FGF9: variants seen among roughly 807,000 people sequenced by gnomAD.
FGF9 encodes fibroblast growth factor 9, also known as fibroblast growth factor 9 (glia-activating factor).
FGF9 carries 3 observed loss-of-function variants against 19.9 expected under a neutral mutation model. The observed-to-expected ratio is 0.15, with a 90% CI of 0.07 to 0.39. The LOEUF (loss-of-function observed/expected upper bound fraction) is 0.39, where lower values mean the gene tolerates loss of function less well. Among genes scored for constraint, FGF9 ranks in the 10% least tolerant of loss-of-function variants. The pLI is 1.00. For missense variants in FGF9, 175 were observed against 256.8 expected, an observed-to-expected ratio of 0.68 and a Z score of 2.18; for synonymous variants, 107 against 106.9, an observed-to-expected ratio of 1.00 and a Z score of -0.01.
At position 21,703,916 on chromosome 13, in the gene FGF9, A is replaced by G. The variant is rs1169161625; in HGVS notation, c.*2481A>G. On this transcript the variant is annotated 3_prime_UTR_variant, in exon 3 of 3. Transcript: ENST00000382353. ...TTTTTTTTAAGACGAGCAAATTGTT[A>G]TATGCTTTTGGCAATTGATACAATA... 2 of 151,372 alleles carry G rather than the reference A, an allele frequency of 1.3e-5. No homozygotes were observed. Among genetic ancestry groups the G allele is most frequent in the Admixed American group, 1.3e-4 (2 of 15,204 alleles). 9.4% of individuals were successfully genotyped at this position (151,372 alleles called of 1,614,324 possible).
intron 2 of FGF9, among the ~76,000 whole-genome samples, chr13:21,693,020 A>G (rs1593097943): frequency 6.6e-6 from 1 of 152,220 alleles, no homozygotes; most frequent in Non-Finnish European, 1.5e-5. Context: ...ACAGGCTGCC[A>G]TAGCACCCAA....
At chr13:21,693,051 T>G (rs1368782834) in intron 2 of FGF9, among the ~76,000 whole-genome samples, 2 of 152,182 alleles carry the variant, frequency 1.3e-5, no homozygotes, top group African/African-American at 4.8e-5. Context: ...TCAGAGACGG[T>G]CTCTCAGGGT....
chr13:21,689,623 T>C (rs1276473126), intron 2 of FGF9, among the ~76,000 whole-genome samples: 3 of 152,180 alleles, frequency 2.0e-5, no homozygotes, highest in African/African-American at 7.2e-5. Flanking sequence ...TGCTAGTAAT[T>C]GCACTTCTAA....
chr13:21,690,495 T>C (rs1465073006), intron 2 of FGF9, among the ~76,000 whole-genome samples: 1 of 152,194 alleles, frequency 6.6e-6, no homozygotes, highest in Non-Finnish European at 1.5e-5. Flanking sequence ...TCTTGTTTTC[T>C]TTCCCAAAGT....
Position 21,701,709 on chromosome 13 carries a change from A to G in FGF9, c.*274A>G, listed in dbSNP as rs9796160. On this transcript the variant is annotated 3_prime_UTR_variant, in exon 3 of 3. Coordinates refer to ENST00000382353, the MANE Select transcript of FGF9 (RefSeq NM_002010.3). ...GAGACTGAGCGCTAGGAGTGTGTGT[A>G]TGTGTGTGTGTGTGTGTGTGTGTGT... The G allele has an allele frequency of 0.027, 9,611 of 357,546 alleles. 182 individuals are homozygous for G. Among genetic ancestry groups the G allele is most frequent in the Non-Finnish European group, 0.031 (5,681 of 185,494 alleles). 22.1% of individuals were successfully genotyped at this position (357,546 alleles called of 1,614,324 possible).
Position 21,672,222 on chromosome 13 carries a change from A to T in FGF9, c.277+33A>T. The T allele has an allele frequency of 6.2e-7, 1 of 1,613,336 alleles. No individual in the cohort carries two copies. Among genetic ancestry groups the T allele is most frequent in the South Asian group, 1.1e-5 (1 of 90,926 alleles). ...TACCATTAACCCTTTAGTGTCCATG[A>T]GATGACATGTTGAAATTATAACTAC... On this transcript the variant is annotated intron_variant, in intron 1 of 2. Transcript: ENST00000382353. This position sits in a 1 kb window ranked among gnomAD's most constrained non-coding sequence, Gnocchi z 4.2.
intron 2 of FGF9, among the ~76,000 whole-genome samples, chr13:21,687,585 G>C (rs548850358): frequency 1.3e-5 from 2 of 152,304 alleles, no homozygotes; most frequent in Admixed American, 1.3e-4. Flanking sequence ...TTGGCGCTTG[G>C]TGCAGCTTCC....
rs1171437237 is a variant in FGF9 at position 21,703,934 on chromosome 13, A to G, written c.*2499A>G. 1 of 151,754 alleles carries G rather than the reference A, an allele frequency of 6.6e-6. No individual in the cohort carries two copies. The highest frequency in any genetic ancestry group is 1.5e-5 in the Non-Finnish European group (1 of 67,986). 9.4% of individuals were successfully genotyped at this position (151,754 alleles called of 1,614,324 possible). On this transcript the variant is annotated 3_prime_UTR_variant, in exon 3 of 3. Coordinates refer to ENST00000382353, the MANE Select transcript of FGF9 (RefSeq NM_002010.3). ...AATTGTTATATGCTTTTGGCAATTGATACAATAAACTGTAATGGTCTGTAA... is the reference window on the plus strand; with the variant it reads ...AATTGTTATATGCTTTTGGCAATTGGTACAATAAACTGTAATGGTCTGTAA...
In FGF9 at chr13:21,701,700, A is replaced by AGTGT. The variant is rs761639029; in HGVS notation, c.*270_*273dup. 3.8e-4 allele frequency: 166 copies of AGTGT among 441,786 alleles called. 1 individual carries two copies. The highest frequency in any genetic ancestry group is 2.6e-3 in the East Asian group (61 of 23,076). 27.4% of individuals were successfully genotyped at this position (441,786 alleles called of 1,614,324 possible). ...AGAGAGAGAGAGACTGAGCGCTAGG[A>AGTGT]GTGTGTGTATGTGTGTGTGTGTGTG... On this transcript the variant is annotated 3_prime_UTR_variant, in exon 3 of 3. Coordinates refer to ENST00000382353, the MANE Select transcript of FGF9 (RefSeq NM_002010.3).
chr13:21,671,475 A>G lies in FGF9; in HGVS notation c.-438A>G. 2.2e-6 allele frequency: 1 copy of G among 454,670 alleles called. No individual in the cohort carries two copies. The allele number at this position is 454,670 out of a possible 1,614,324, so 28.2% of individuals were successfully genotyped here. On this transcript the variant is annotated 5_prime_UTR_variant, in exon 1 of 3. Transcript: ENST00000382353. ...CTGGAGTCAGGATCCGTAAATTCTG[A>G]CGTAGCCCGTGCATCTTAAAAATCC...
intron 2 of FGF9, among the ~76,000 whole-genome samples, chr13:21,689,295 G>A (rs78028513): frequency 5.1e-4 from 78 of 152,334 alleles, no homozygotes; most frequent in Non-Finnish European, 9.8e-4. Context: ...TATTAAAGCT[G>A]CCCCATTTTG....
At chr13:21,682,167 C>T (rs921391216) in intron 2 of FGF9, among the ~76,000 whole-genome samples, 12 of 151,988 alleles carry the variant, frequency 7.9e-5, no homozygotes, top group African/African-American at 2.2e-4. Context: ...CATCACCACA[C>T]GTAGTTAACG....
At chr13:21,674,740 A>G (rs1871865564) in intron 1 of FGF9, among the ~76,000 whole-genome samples, 1 of 151,170 alleles carries the variant, frequency 6.6e-6, no homozygotes, top group African/African-American at 2.4e-5. Context: ...CCTTTAGGAT[A>G]GGACGTTTGC....
chr13:21,697,730 C>T (rs17840911), intron 2 of FGF9, among the ~76,000 whole-genome samples: 3 of 152,072 alleles, frequency 2.0e-5, no homozygotes, highest in African/African-American at 7.2e-5. Context: ...TTGCTATTTT[C>T]CTGCCCTCTC....
At position 21,671,917 on chromosome 13, in the gene FGF9, C is replaced by T. The variant is rs1254230677; in HGVS notation, c.5C>T (p.Ala2Val). The change falls in exon 1 of 3, where the codon GCT becomes GTT. Residue 2 changes from alanine (A) to valine (V), a missense_variant. By Grantham distance (64) the Ala-to-Val change is moderately conservative. Transcript: ENST00000382353. ...CTCCAAAAGCCGAGTCCTCTGATGG[C>T]TCCCTTAGGTGAAGTTGGGAACTAT... M[A>V]PLGEVGNYFG... is the part of the protein sequence containing the mutation. The T allele has an allele frequency of 6.2e-7, 1 of 1,614,180 alleles. No individual in the cohort carries two copies. The highest frequency in any genetic ancestry group is 1.7e-5 in the Admixed American group (1 of 60,028).
At chr13:21,696,138 T>C (rs1276490435) in intron 2 of FGF9, among the ~76,000 whole-genome samples, 2 of 152,228 alleles carry the variant, frequency 1.3e-5, no homozygotes, top group Admixed American at 1.3e-4. Context: ...TTTTAAATAG[T>C]GTCAGTATAA....
chr13:21,689,489 A>G (rs1224275021), intron 2 of FGF9, among the ~76,000 whole-genome samples: 1 of 151,702 alleles, frequency 6.6e-6, no homozygotes, highest in Non-Finnish European at 1.5e-5. Context: ...GGCAGACCCT[A>G]GTTGATAAGT....
intron 2 of FGF9, among the ~76,000 whole-genome samples, chr13:21,696,792 G>T (rs1593099538): frequency 6.6e-6 from 1 of 152,206 alleles, no homozygotes; most frequent in Non-Finnish European, 1.5e-5. Flanking sequence ...AAGTACTGAA[G>T]TGTGATCCTA....
At position 21,703,513 on chromosome 13, in the gene FGF9, T is replaced by C. The variant is rs1349635218; in HGVS notation, c.*2078T>C. 1 of 152,370 alleles carries C rather than the reference T, an allele frequency of 6.6e-6. No homozygotes were observed. The highest frequency in any genetic ancestry group is 1.9e-4 in the East Asian group (1 of 5,194). The allele number at this position is 152,370 out of a possible 1,614,324, so 9.4% of individuals were successfully genotyped here. The stretch of plus-strand genomic sequence containing the variant: ...ATGTCCTCTTCATTTATTTTCTTGT[T>C]TTATTTTCCTTTCTAAACAGAAACT... On this transcript the variant is annotated 3_prime_UTR_variant, in exon 3 of 3. Transcript: ENST00000382353.
Sources: gnomAD v4.1 joint callset for allele counts (sites outside exome capture counted in the v4.1 genomes callset) on GRCh38, gnomAD v4.1.1 for gene constraint, Gnocchi (gnomAD v3.1) non-coding constraint, MANE v1.5 for transcripts, NCBI Gene and HGNC (gene_info 2026-07-23, HGNC 2026-07-21) for gene names.